Variants in GEMIN8 observed in about 807,000 individuals in gnomAD.
GEMIN8 encodes the protein gem nuclear organelle associated protein 8.
For synonymous variants in GEMIN8, 80 were observed against 78.5 expected, an observed-to-expected ratio of 1.02 and a Z score of -0.10; for missense variants, 185 against 205.9, an observed-to-expected ratio of 0.90 and a Z score of 0.62.
At chrX:14,004,335 C>T (rs2147108881), downstream of GEMIN8, among the ~76,000 whole-genome samples, 1 of 112,112 alleles carries the variant, frequency 8.9e-6, no homozygotes, top group East Asian at 2.8e-4. Flanking sequence ...TAATTTGTTT[C>T]CAATTGTTTG....
rs1924871751 is a variant in GEMIN8 at position 14,029,493 on chromosome X, G to A, written c.-116+284C>T. On this transcript the variant is annotated intron_variant, in intron 1 of 4. Transcript: ENST00000680255. ...TTAGAGATTCTGATTTCATTGGTCC[G>A]GGATGGGGGCCCGGGGATCAGAATT... The A allele has an allele frequency of 2.7e-5, 3 of 112,025 alleles. No individual in the cohort carries two copies. The South Asian group carries it at 1.1e-3, about 41-fold the overall frequency. The allele number at this position is 112,025 out of a possible 1,213,427, so 9.2% of individuals were successfully genotyped here.
rs1441247839 is a variant in GEMIN8 at position 14,016,854 on chromosome X, A to T, written c.472+3224T>A. Among the ~76,000 whole-genome samples the T allele has an allele frequency of 9.9e-4, 78 of 78,487 alleles. No individual in the cohort carries two copies. The East Asian group carries it at 0.016, about 17-fold the overall frequency. 68.2% of individuals were successfully genotyped at this position (78,487 alleles called of 115,157 possible). Reference sequence around the variant, plus strand: ...AGTAAGAATCTGTCTCAAAAAAAAAAAAAAAAAAAAAAATATATATATATA... The same window carrying T: ...AGTAAGAATCTGTCTCAAAAAAAAATAAAAAAAAAAAAATATATATATATA... On this transcript the variant is annotated intron_variant, in intron 4 of 4. Coordinates refer to ENST00000680255, the MANE Select transcript of GEMIN8 (RefSeq NM_001042479.2).
At chrX:13,989,482 C>T in the GEMIN8 span, among the ~76,000 whole-genome samples, 1 of 112,595 alleles carries the variant, frequency 8.9e-6, no homozygotes, top group Non-Finnish European at 1.9e-5. Flanking sequence ...ATCCTTTGGC[C>T]TTCCTGCCAA....
rs1338872822 is a variant in GEMIN8, at chrX:14,014,377, G to A, written c.473-5208C>T. On this transcript the variant is annotated intron_variant, in intron 4 of 4. Coordinates refer to ENST00000680255, the MANE Select transcript of GEMIN8 (RefSeq NM_001042479.2). ...CATTTCAGACTGGTCTTCTCTCTTC[G>A]TCGCACATCCCTTGCCCCATGACAA... 1.3e-5 allele frequency: 10 copies of A among 749,712 alleles called. No individual in the cohort carries two copies. In the East Asian group the frequency reaches 7.6e-4, roughly 57 times the overall value. 61.8% of individuals were successfully genotyped at this position (749,712 alleles called of 1,213,427 possible).
intron 4 of GEMIN8, chrX:14,014,683 G>A (rs1230334996): frequency 5.6e-6 from 1 of 180,166 alleles, no homozygotes; most frequent in Admixed American, 9.4e-5. Context: ...ACTGACTAAA[G>A]GCTCACTATG....
At chrX:14,023,661 G>A (rs1603203225) in intron 2 of GEMIN8, among the ~76,000 whole-genome samples, 2 of 112,396 alleles carry the variant, frequency 1.8e-5, no homozygotes. Context: ...ACAGGCGTGA[G>A]CCACCGTGCC....
the GEMIN8 span, among the ~76,000 whole-genome samples, chrX:13,992,029 A>T: frequency 8.9e-6 from 1 of 112,482 alleles, no homozygotes; most frequent in South Asian, 3.7e-4. Context: ...TTTCTTGCCC[A>T]CAGTACTCGT....
At chrX:13,996,192 C>T in the GEMIN8 span, among the ~76,000 whole-genome samples, 1 of 111,895 alleles carries the variant, frequency 8.9e-6, no homozygotes, top group African/African-American at 3.3e-5. Flanking sequence ...CACATGGATG[C>T]GATCTTGTGC....
At chrX:14,010,255 G>A (rs1923446515) in intron 4 of GEMIN8, among the ~76,000 whole-genome samples, 1 of 112,038 alleles carries the variant, frequency 8.9e-6, no homozygotes, top group Non-Finnish European at 1.9e-5. Flanking sequence ...ACTATGGCAA[G>A]TCCCAATATC....
At chrX:14,009,776 A>T (rs926409949) in intron 4 of GEMIN8, among the ~76,000 whole-genome samples, 1 of 111,870 alleles carries the variant, frequency 8.9e-6, no homozygotes, top group Admixed American at 9.5e-5. Flanking sequence ...AGCTTCCTGG[A>T]AAGTCCAGTG....
downstream of GEMIN8, among the ~76,000 whole-genome samples, chrX:14,002,811 A>G (rs1923021437): frequency 8.9e-6 from 1 of 112,138 alleles, no homozygotes; most frequent in Non-Finnish European, 1.9e-5. Flanking sequence ...CAACATCTGT[A>G]TTTTTAATGC....
downstream of GEMIN8, among the ~76,000 whole-genome samples, chrX:14,004,702 T>G (rs1019315388): frequency 3.6e-5 from 4 of 112,097 alleles, no homozygotes; most frequent in Non-Finnish European, 7.5e-5. Flanking sequence ...GGACTACAGG[T>G]GCATGGCACC....
At chrX:14,004,396 A>G (rs1454852152), downstream of GEMIN8, among the ~76,000 whole-genome samples, 1 of 112,091 alleles carries the variant, frequency 8.9e-6, no homozygotes, top group Non-Finnish European at 1.9e-5. Flanking sequence ...TTGTGCCCAC[A>G]TGGAAGAGTG....
intron 3 of GEMIN8, 115 bp from the exon 4 acceptor site, chrX:14,020,649 C>A: frequency 2.0e-6 from 1 of 506,856 alleles, no homozygotes; most frequent in Non-Finnish European, 3.2e-6. Context: ...TTGCTAAATA[C>A]CTACCTACAT....
At position 14,028,619 on chromosome X, in the gene GEMIN8, T is replaced by TAA. The variant is rs63492360; in HGVS notation, c.-116+1156_-116+1157dup. On this transcript the variant is annotated intron_variant, in intron 1 of 4. Transcript: ENST00000680255. ...GTCATTCTCATCTCACCCTATCCTT[T>TAA]AAAAAAAAACCCAAAATGATTAATC... 2.1e-3 allele frequency among the ~76,000 whole-genome samples: 228 copies of TAA among 108,201 alleles called. 1 individual carries two copies. The highest frequency in any genetic ancestry group is 7.0e-3 in the African/African-American group (210 of 29,822). The allele number at this position is 108,201 out of a possible 115,157, so 94.0% of individuals were successfully genotyped here.
intron 2 of GEMIN8, among the ~76,000 whole-genome samples, chrX:14,025,349 A>C (rs927476992): frequency 9.3e-6 from 1 of 107,120 alleles, no homozygotes; most frequent in East Asian, 2.8e-4. Context: ...AAAAAAAAAA[A>C]CACACACCAA....
chrX:13,988,130 G>A, the GEMIN8 span, among the ~76,000 whole-genome samples: 1 of 110,943 alleles, frequency 9.0e-6, no homozygotes, highest in Non-Finnish European at 1.9e-5. Flanking sequence ...TAGGGTTAAG[G>A]ACAGCCAATA....
chrX:14,025,942 T>C (rs971674469), intron 2 of GEMIN8, 198 bp downstream of exon 2: 1 of 349,156 alleles, frequency 2.9e-6, no homozygotes, highest in Non-Finnish European at 3.7e-6. Flanking sequence ...AAGCTGGTTA[T>C]TTTCTTCACG....
At chrX:13,998,240 A>G in the GEMIN8 span, among the ~76,000 whole-genome samples, 844 of 109,480 alleles carry the variant, frequency 7.7e-3, 7 homozygotes, top group African/African-American at 0.026. Flanking sequence ...ACACCTGGCT[A>G]ATTTTTAAAT....
Sources: gnomAD v4.1 joint callset for allele counts (sites outside exome capture counted in the v4.1 genomes callset) on GRCh38, gnomAD v4.1.1 for gene constraint, MANE v1.5 for transcripts, NCBI Gene and HGNC (gene_info 2026-07-23, HGNC 2026-07-21) for gene names.